Variants in ZMAT4 observed in about 807,000 individuals in gnomAD.
The protein encoded by ZMAT4 is zinc finger matrin-type protein 4.
In ZMAT4, 17 loss-of-function variants were observed where a neutral mutation model predicts 28.7. That is an observed-to-expected ratio of 0.59 (90% CI 0.41 to 0.89). The LOEUF (loss-of-function observed/expected upper bound fraction) is 0.89, where lower values mean the gene tolerates loss of function less well. Among genes scored for constraint, ZMAT4 ranks in the 40% least tolerant of loss-of-function variants. The pLI is 0.00. For synonymous variants in ZMAT4, 117 were observed against 109.2 expected, an observed-to-expected ratio of 1.07 and a Z score of -0.44; for missense variants, 240 against 283.8, an observed-to-expected ratio of 0.85 and a Z score of 1.11.
chr8:40,712,928 G>T (rs1210074681), intron 3 of ZMAT4, among the ~76,000 whole-genome samples: 1 of 151,994 alleles, frequency 6.6e-6, no homozygotes, highest in Admixed American at 6.6e-5. Flanking sequence ...TTGCAAAACT[G>T]ATGCAAGTTT....
At chr8:40,630,218 C>T (rs1375640773) in intron 5 of ZMAT4, among the ~76,000 whole-genome samples, 1 of 152,194 alleles carries the variant, frequency 6.6e-6, no homozygotes, top group African/African-American at 2.4e-5. Flanking sequence ...TATGTGTTAA[C>T]TGGTATAAGA....
At chr8:40,638,693 G>A (rs9298599) in intron 5 of ZMAT4, among the ~76,000 whole-genome samples, 62,184 of 152,076 alleles carry the variant, frequency 0.41, 12,990 homozygotes, top group African/African-American at 0.48. Context: ...CTGTCAGGCT[G>A]TGCCTGCATG....
intron 5 of ZMAT4, among the ~76,000 whole-genome samples, chr8:40,611,618 G>A (rs1217466390): frequency 6.6e-6 from 1 of 152,138 alleles, no homozygotes; most frequent in Non-Finnish European, 1.5e-5. Flanking sequence ...GGGATTACAG[G>A]CGTGAGCCAT....
intron 2 of ZMAT4, among the ~76,000 whole-genome samples, chr8:40,816,397 T>G (rs1815541081): frequency 6.6e-6 from 1 of 152,184 alleles, no homozygotes; most frequent in African/African-American, 2.4e-5. Flanking sequence ...AAAGAATTTT[T>G]TTTTTATTTC....
chr8:40,567,892 T>C lies in ZMAT4; in HGVS notation c.674+13273A>G, dbSNP rs1016538537. ...ATTTATCAAATGTCATCACTCAGAT[T>C]TAATCAGTGAATATTGAGATTAGCC... is the stretch of plus-strand genomic sequence containing the variant. On this transcript the variant is annotated intron_variant, in intron 6 of 6. Coordinates refer to ENST00000297737, the MANE Select transcript of ZMAT4 (RefSeq NM_024645.3). Among the ~76,000 whole-genome samples, 23 of 152,282 alleles carry C rather than the reference T, an allele frequency of 1.5e-4. 1 individual carries two copies. The East Asian group carries it at 4.4e-3, about 29-fold the overall frequency.
At chr8:40,758,141 T>G (rs1221576310) in intron 3 of ZMAT4, among the ~76,000 whole-genome samples, 1 of 152,206 alleles carries the variant, frequency 6.6e-6, no homozygotes, top group East Asian at 1.9e-4. Flanking sequence ...GATCTCACCT[T>G]GTGATCGTGT....
At chr8:40,585,125 A>G (rs928174820) in intron 5 of ZMAT4, among the ~76,000 whole-genome samples, 3 of 152,164 alleles carry the variant, frequency 2.0e-5, no homozygotes, top group Admixed American at 2.0e-4. Flanking sequence ...GGTTGGCATG[A>G]GAGCTAGCTT....
chr8:40,618,466 A>G (rs1192248267), intron 5 of ZMAT4, among the ~76,000 whole-genome samples: 1 of 152,194 alleles, frequency 6.6e-6, no homozygotes, highest in Non-Finnish European at 1.5e-5. Context: ...CAGATTTAAA[A>G]AATACAACGG....
intron 5 of ZMAT4, among the ~76,000 whole-genome samples, chr8:40,647,812 G>A (rs1280675716): frequency 6.6e-6 from 1 of 152,144 alleles, no homozygotes; most frequent in South Asian, 2.1e-4. Context: ...CCAAGCAGGG[G>A]CACACTGACA....
rs114212853 is a variant in ZMAT4 at position 40,682,732 on chromosome 8, T to C, written c.350-7801A>G. 6.9e-3 allele frequency among the ~76,000 whole-genome samples: 1,053 copies of C among 152,316 alleles called. 10 individuals are homozygous for C. Among genetic ancestry groups the C allele is most frequent in the African/African-American group, 0.024 (1,016 of 41,574 alleles). ...AGTATAATCAGCCTATTAACAGAAG[T>C]TGCTTCTTTACCCACACTGCATTCA... is the stretch of plus-strand genomic sequence containing the variant. On this transcript the variant is annotated intron_variant, in intron 4 of 6. Transcript: ENST00000297737.
chr8:40,627,735 C>CT (rs1164964885), intron 5 of ZMAT4, among the ~76,000 whole-genome samples: 1 of 152,060 alleles, frequency 6.6e-6, no homozygotes, highest in Non-Finnish European at 1.5e-5. Context: ...AGAGAAGTAT[C>CT]TTTTTTTCTT....
chr8:40,642,617 G>A (rs886139962), intron 5 of ZMAT4, among the ~76,000 whole-genome samples: 10 of 152,144 alleles, frequency 6.6e-5, no homozygotes, highest in African/African-American at 1.4e-4. Context: ...GAACAACCTG[G>A]CAAAGTTGTG....
At chr8:40,811,242 T>C (rs1283488088) in intron 2 of ZMAT4, among the ~76,000 whole-genome samples, 1 of 152,208 alleles carries the variant, frequency 6.6e-6, no homozygotes, top group African/African-American at 2.4e-5. Flanking sequence ...TGTGTTTTAC[T>C]GGAGGAACTT....
chr8:40,837,596 A>C (rs944588293), intron 1 of ZMAT4, among the ~76,000 whole-genome samples: 1 of 152,154 alleles, frequency 6.6e-6, no homozygotes, highest in Non-Finnish European at 1.5e-5. Flanking sequence ...AGAGATATTC[A>C]AGGGTCTGAG....
rs1807344347 is a variant in ZMAT4 at position 40,646,901 on chromosome 8, T to G, written c.577+27803A>C. On this transcript the variant is annotated intron_variant, in intron 5 of 6. Coordinates refer to ENST00000297737, the MANE Select transcript of ZMAT4 (RefSeq NM_024645.3). ...TCACTCGTAAAAAACAGTATACATATTCTTCTCAAGTGCACATGAATCATT... is the reference window on the plus strand; with the variant it reads ...TCACTCGTAAAAAACAGTATACATAGTCTTCTCAAGTGCACATGAATCATT... Among the ~76,000 whole-genome samples, 3 of 152,230 alleles carry G rather than the reference T, an allele frequency of 2.0e-5. No individual in the cohort carries two copies. The South Asian group carries it at 6.2e-4, about 32-fold the overall frequency.
intron 5 of ZMAT4, among the ~76,000 whole-genome samples, chr8:40,615,667 T>TTGATC (rs1174148796): frequency 2.0e-5 from 3 of 152,342 alleles, no homozygotes; most frequent in African/African-American, 7.2e-5. Flanking sequence ...CTCGCTTCAT[T>TTGATC]TCATTCATTT....
At chr8:40,811,638 G>A (rs575183803) in intron 2 of ZMAT4, among the ~76,000 whole-genome samples, 1 of 152,148 alleles carries the variant, frequency 6.6e-6, no homozygotes, top group Non-Finnish European at 1.5e-5. Flanking sequence ...AGGCATTGGA[G>A]GCAAACTAAC....
At chr8:40,872,916 G>C (rs539695229) in intron 1 of ZMAT4, among the ~76,000 whole-genome samples, 44 of 152,218 alleles carry the variant, frequency 2.9e-4, no homozygotes, top group South Asian at 8.3e-4. Context: ...GACCACTAGA[G>C]CCGTCAGCAG....
At chr8:40,755,827 A>T (rs1324700479) in intron 3 of ZMAT4, among the ~76,000 whole-genome samples, 1 of 152,310 alleles carries the variant, frequency 6.6e-6, no homozygotes, top group African/African-American at 2.4e-5. Context: ...AAAAATTTTT[A>T]AAATAATTCC....
Sources: allele counts gnomAD v4.1 joint callset (sites outside exome capture counted in the v4.1 genomes callset), GRCh38; gene constraint gnomAD v4.1.1; transcripts MANE v1.5; gene names NCBI Gene and HGNC (gene_info 2026-07-23, HGNC 2026-07-21).